TRPC5: variants seen among roughly 807,000 people sequenced by gnomAD.
TRPC5 encodes the protein short transient receptor potential channel 5.
Under a neutral mutation model 56.5 loss-of-function variants are expected in TRPC5, and 9 were observed. The ratio of observed to expected loss-of-function variants is 0.16; its 90% confidence interval spans 0.10 to 0.28. The LOEUF is 0.28. TRPC5 is among the 10% of genes least tolerant of loss of function. The probability of loss-of-function intolerance (pLI) is 1.00; values close to 1 mark genes in which losing one functional copy is unlikely to be tolerated. For missense variants in TRPC5, 469 were observed against 748.9 expected (o/e 0.63, Z 4.36); for synonymous variants, 282 against 278.5 (o/e 1.01, Z -0.13).
chrX:112,030,338 T>C (rs1929555096), intron 1 of TRPC5, among the ~76,000 whole-genome samples: 1 of 112,621 alleles, frequency 8.9e-6, no homozygotes, highest in Admixed American at 9.4e-5. Context: ...CTCGAAGATA[T>C]GTGACTTGCC....
intron 2 of TRPC5, among the ~76,000 whole-genome samples, chrX:111,941,576 C>G (rs751095788): frequency 8.9e-6 from 1 of 111,849 alleles, no homozygotes; most frequent in Non-Finnish European, 1.9e-5. Flanking sequence ...TGTGCAGGGT[C>G]GCTTGTTCCT....
intron 1 of TRPC5, among the ~76,000 whole-genome samples, chrX:111,974,685 G>A (rs1039783174): frequency 1.8e-5 from 2 of 110,499 alleles, no homozygotes; most frequent in African/African-American, 6.6e-5. Context: ...AAGACAGAAT[G>A]GGTTTGGAGC....
At chrX:111,969,305 A>G (rs1397754543) in intron 1 of TRPC5, among the ~76,000 whole-genome samples, 1 of 112,187 alleles carries the variant, frequency 8.9e-6, no homozygotes, top group Non-Finnish European at 1.9e-5. Context: ...GTAAACATAA[A>G]TTTTATATGC....
intron 1 of TRPC5, among the ~76,000 whole-genome samples, chrX:111,988,393 G>A (rs1928267881): frequency 9.0e-6 from 1 of 110,923 alleles, no homozygotes; most frequent in South Asian, 3.8e-4. Flanking sequence ...GAGCACTCCA[G>A]TTTAATGGAG....
chrX:111,857,309 C>A (rs963048328), intron 3 of TRPC5, among the ~76,000 whole-genome samples: 2 of 110,960 alleles, frequency 1.8e-5, no homozygotes, highest in African/African-American at 3.3e-5. Context: ...TGGAGAGATG[C>A]GGTCAGATTT....
At chrX:111,975,932 C>A (rs769654605) in intron 1 of TRPC5, among the ~76,000 whole-genome samples, 21 of 110,834 alleles carry the variant, frequency 1.9e-4, no homozygotes, top group African/African-American at 3.9e-4. Context: ...ACAACAACAA[C>A]AAAAAACAAC....
intron 3 of TRPC5, among the ~76,000 whole-genome samples, chrX:111,894,986 G>T (rs745456049): frequency 1.8e-5 from 2 of 110,368 alleles, no homozygotes; most frequent in Non-Finnish European, 3.8e-5. Flanking sequence ...TATGCATCTG[G>T]TTGATTTCAA....
At chrX:112,010,602 A>G (rs2148662652) in intron 1 of TRPC5, among the ~76,000 whole-genome samples, 1 of 111,569 alleles carries the variant, frequency 9.0e-6, no homozygotes, top group East Asian at 2.8e-4. Context: ...AATGGGAAGT[A>G]TTTGTGTATC....
chrX:111,835,496 A>G (rs986728196), intron 6 of TRPC5, among the ~76,000 whole-genome samples: 2 of 112,107 alleles, frequency 1.8e-5, no homozygotes, highest in Non-Finnish European at 3.8e-5. Flanking sequence ...GGTTAAGAAT[A>G]TGGTGCTTGA....
At chrX:111,886,252 C>A (rs1031362979) in intron 3 of TRPC5, among the ~76,000 whole-genome samples, 6 of 112,381 alleles carry the variant, frequency 5.3e-5, no homozygotes, top group Non-Finnish European at 1.1e-4. Flanking sequence ...TGCACTCCAG[C>A]CTGGGCGACA....
chrX:111,977,885 A>G (rs1927973943), intron 1 of TRPC5, among the ~76,000 whole-genome samples: 1 of 111,816 alleles, frequency 8.9e-6, no homozygotes, highest in African/African-American at 3.2e-5. Flanking sequence ...ATCTCTAATC[A>G]TCAGAGAAAT....
At chrX:112,040,437 G>A (rs950298629) in intron 1 of TRPC5, among the ~76,000 whole-genome samples, 2 of 111,850 alleles carry the variant, frequency 1.8e-5, no homozygotes, top group Non-Finnish European at 3.8e-5. Context: ...TAGAGGGCTT[G>A]TTAAGATCAT....
chrX:111,843,881 T>C (rs1343024024), intron 6 of TRPC5, among the ~76,000 whole-genome samples: 1 of 99,096 alleles, frequency 1.0e-5, no homozygotes, highest in East Asian at 3.1e-4. Context: ...TGAGTGTGTG[T>C]GTGTGTGTGT....
chrX:111,800,668 C>T (rs189575067), intron 7 of TRPC5, among the ~76,000 whole-genome samples: 2 of 109,612 alleles, frequency 1.8e-5, no homozygotes, highest in South Asian at 4.0e-4. Flanking sequence ...GCAGGAGACT[C>T]GCTTGTACAC....
chrX:111,964,341 C>G (rs1020548845), intron 1 of TRPC5, among the ~76,000 whole-genome samples: 1 of 112,033 alleles, frequency 8.9e-6, no homozygotes, highest in Non-Finnish European at 1.9e-5. Context: ...ACCAAATCTA[C>G]GTCTGATTGG....
intron 1 of TRPC5, 46 bp from the exon 2 acceptor site, chrX:111,952,487 G>A (rs1385508586): frequency 2.7e-6 from 3 of 1,127,702 alleles, no homozygotes; most frequent in Non-Finnish European, 3.5e-6. Context: ...TAGATACGTG[G>A]AGGTCTCAAG....
intron 1 of TRPC5, among the ~76,000 whole-genome samples, chrX:111,956,347 G>A (rs181119378): frequency 1.4e-4 from 16 of 112,000 alleles, no homozygotes; most frequent in African/African-American, 5.2e-4. Context: ...TATCTGTCCA[G>A]TTGTTTATCT....
chrX:111,865,659 C>T lies in TRPC5; in HGVS notation c.901-11553G>A, dbSNP rs1421236526. 8.9e-5 allele frequency among the ~76,000 whole-genome samples: 10 copies of T among 111,947 alleles called. 1 individual carries two copies. The South Asian group carries it at 3.4e-3, about 38-fold the overall frequency. On this transcript the variant is annotated intron_variant, in intron 3 of 10. Coordinates refer to ENST00000262839, the MANE Select transcript of TRPC5 (RefSeq NM_012471.3). ...AAAAGCTATAAGACTGAGTGTTGGT[C>T]AAGGACTGGGAGCTTGTCTTATTCT...
chrX:111,906,359 A>AC (rs1925624143), intron 3 of TRPC5, among the ~76,000 whole-genome samples: 1 of 109,750 alleles, frequency 9.1e-6, no homozygotes, highest in Non-Finnish European at 1.9e-5. Flanking sequence ...TGTTTAAAAA[A>AC]ACAAAAAACA....
Sources: gnomAD v4.1 joint callset for allele counts (sites outside exome capture counted in the v4.1 genomes callset) on GRCh38, gnomAD v4.1.1 for gene constraint, MANE v1.5 for transcripts, NCBI Gene and HGNC (gene_info 2026-07-23, HGNC 2026-07-21) for gene names.